The following EYA2 variants were observed in gnomAD, a reference collection of about 807,000 sequenced individuals.
EYA2 encodes EYA transcriptional coactivator and phosphatase 2, also known as protein phosphatase EYA2.
A neutral mutation model predicts 69.2 loss-of-function variants in EYA2; 31 were observed. The ratio of observed to expected loss-of-function variants is 0.45; its 90% CI spans 0.34 to 0.60. The LOEUF (loss-of-function observed/expected upper bound fraction) is 0.60. Among genes scored for constraint, EYA2 ranks in the 20% least tolerant of loss-of-function variants. The pLI is 0.02. For synonymous variants in EYA2, 257 were observed against 279.4 expected, an observed-to-expected ratio of 0.92 and a Z score of 0.80; for missense variants, 622 against 701.2, an observed-to-expected ratio of 0.89 and a Z score of 1.28.
At chr20:47,171,019 T>A (rs2034308971) in intron 11 of EYA2, among the ~76,000 whole-genome samples, 1 of 152,230 alleles carries the variant, frequency 6.6e-6, no homozygotes, top group African/African-American at 2.4e-5. Context: ...CCTTCTGCAA[T>A]CAGGACTGGC....
At position 47,100,238 on chromosome 20, in the gene EYA2, C is replaced by T. The variant is rs564854279; in HGVS notation, c.888+3070C>T. 1.1e-4 allele frequency among the ~76,000 whole-genome samples: 16 copies of T among 152,278 alleles called. No individual in the cohort carries two copies. In the East Asian group the frequency reaches 1.7e-3, roughly 17 times the overall value. ...AGTGTTTGAAAAAATGTGAATGTGT[C>T]GCCAACATTTAAAAATCAGGAGATT... is the stretch of plus-strand genomic sequence containing the variant. On this transcript the variant is annotated intron_variant, in intron 9 of 15. Transcript: ENST00000327619.
intron 10 of EYA2, among the ~76,000 whole-genome samples, chr20:47,162,953 A>G (rs1442682078): frequency 6.6e-6 from 1 of 151,928 alleles, no homozygotes; most frequent in African/African-American, 2.4e-5. Context: ...TTTTCCAGTT[A>G]TGTACAATAT....
intron 1 of EYA2, among the ~76,000 whole-genome samples, chr20:46,960,049 A>T (rs906574889): frequency 6.6e-6 from 1 of 152,252 alleles, no homozygotes; most frequent in Admixed American, 6.5e-5. Flanking sequence ...CACACTGGCC[A>T]GATTCAGGCT....
intron 5 of EYA2, among the ~76,000 whole-genome samples, chr20:47,049,486 C>G (rs1457172995): frequency 6.6e-6 from 1 of 152,104 alleles, no homozygotes. Flanking sequence ...GGGCTCTCCT[C>G]GTGATAATGA....
intron 7 of EYA2, 98 bp downstream of exon 7, chr20:47,074,433 A>AC: frequency 4.6e-6 from 6 of 1,300,508 alleles, no homozygotes; most frequent in Non-Finnish European, 6.4e-6. Context: ...CAAACAGGTT[A>AC]CCCAAGGGTC....
At chr20:47,083,596 C>T (rs934442649) in intron 7 of EYA2, among the ~76,000 whole-genome samples, 3 of 118,238 alleles carry the variant, frequency 2.5e-5, no homozygotes, top group East Asian at 2.5e-4. Context: ...AAAAAAAAAT[C>T]GTGGAACAAC....
intron 10 of EYA2, among the ~76,000 whole-genome samples, chr20:47,154,320 C>G (rs939509432): frequency 2.6e-5 from 4 of 152,030 alleles, no homozygotes; most frequent in African/African-American, 9.6e-5. Context: ...CTCACTTAAA[C>G]TTAATTACTT....
At chr20:46,973,169 A>G (rs1337729226) in intron 1 of EYA2, among the ~76,000 whole-genome samples, 1 of 152,174 alleles carries the variant, frequency 6.6e-6, no homozygotes, top group Non-Finnish European at 1.5e-5. Flanking sequence ...CCTCCCCCAA[A>G]TTACTCTGAA....
chr20:46,899,600 A>C (rs1027394905), intron 1 of EYA2, among the ~76,000 whole-genome samples: 42 of 152,176 alleles, frequency 2.8e-4, no homozygotes, highest in African/African-American at 1.0e-3. Flanking sequence ...CTGGATCGCT[A>C]TGGGTGGGTG....
At chr20:47,071,186 T>G (rs1312047208) in intron 5 of EYA2, among the ~76,000 whole-genome samples, 2 of 152,048 alleles carry the variant, frequency 1.3e-5, no homozygotes, top group Non-Finnish European at 2.9e-5. Flanking sequence ...ATTTTTGTAT[T>G]TTTAGTAGAG....
At chr20:47,140,337 G>C (rs372424965) in intron 9 of EYA2, among the ~76,000 whole-genome samples, 3 of 152,070 alleles carry the variant, frequency 2.0e-5, no homozygotes, top group Non-Finnish European at 4.4e-5. Flanking sequence ...TTTGGCTCTC[G>C]GGGCCTTGAT....
At chr20:47,152,288 C>T (rs1400129808) in intron 10 of EYA2, among the ~76,000 whole-genome samples, 2 of 151,976 alleles carry the variant, frequency 1.3e-5, no homozygotes, top group East Asian at 3.9e-4. Flanking sequence ...ATTATTCCTC[C>T]ACGCTGTACA....
intron 5 of EYA2, among the ~76,000 whole-genome samples, chr20:47,045,123 G>A (rs563028772): frequency 1.3e-5 from 2 of 152,166 alleles, no homozygotes; most frequent in Admixed American, 1.3e-4. Flanking sequence ...TAATGTCTTG[G>A]ATTGGCTGGG....
rs1981700067 is a variant in EYA2 at position 46,991,988 on chromosome 20, G to GAAAAA, written c.109+1869_109+1870insAAAAA. ...CGTCTCAAAAAAAAAAAAAAAAAAC[G>GAAAAA]CTGAAAGCTTTAGCAACCCTGGGCC... is the stretch of plus-strand genomic sequence containing the variant. On this transcript the variant is annotated intron_variant, in intron 2 of 15. Transcript: ENST00000327619. Among the ~76,000 whole-genome samples the GAAAAA allele has an allele frequency of 3.3e-5, 2 of 60,896 alleles. 1 individual carries two copies. The highest frequency in any genetic ancestry group is 8.0e-5 in the Non-Finnish European group (2 of 24,958). 40.0% of individuals were successfully genotyped at this position (60,896 alleles called of 152,430 possible).
chr20:47,002,723 C>T (rs1355346044), intron 3 of EYA2, among the ~76,000 whole-genome samples: 1 of 152,174 alleles, frequency 6.6e-6, no homozygotes, highest in East Asian at 1.9e-4. Context: ...TCCTCAGTAC[C>T]TAACCCCACA....
Position 47,113,408 on chromosome 20 carries a change from C to G in EYA2, c.888+16240C>G, listed in dbSNP as rs539896883. Among the ~76,000 whole-genome samples the G allele has an allele frequency of 2.6e-5, 4 of 152,268 alleles. No homozygotes were observed. The East Asian group carries it at 7.7e-4, about 29-fold the overall frequency. Reference sequence around the variant, plus strand: ...GATCGGCTGTGCCTGGGACCTGTGCCCACCTCTCAGCTAAGCAGGGTTAGA... The same window carrying G: ...GATCGGCTGTGCCTGGGACCTGTGCGCACCTCTCAGCTAAGCAGGGTTAGA... On this transcript the variant is annotated intron_variant, in intron 9 of 15. Transcript: ENST00000327619.
intron 5 of EYA2, among the ~76,000 whole-genome samples, chr20:47,034,073 A>T (rs767388773): frequency 6.6e-6 from 1 of 152,202 alleles, no homozygotes; most frequent in African/African-American, 2.4e-5. Context: ...TATATCTTCA[A>T]TGTGTCTCTA....
intron 1 of EYA2, among the ~76,000 whole-genome samples, chr20:46,943,705 C>T (rs1342287352): frequency 3.3e-5 from 5 of 152,184 alleles, no homozygotes; most frequent in Non-Finnish European, 7.3e-5. Flanking sequence ...GGCAGCAAAA[C>T]GTGCAGAAGG....
intron 5 of EYA2, among the ~76,000 whole-genome samples, chr20:47,049,599 C>G (rs1206370412): frequency 1.8e-5 from 1 of 55,588 alleles, no homozygotes; most frequent in African/African-American, 4.1e-5. Context: ...GTGACACCCC[C>G]TGCTCCATGT....
Sources: allele counts gnomAD v4.1 joint callset (sites outside exome capture counted in the v4.1 genomes callset), GRCh38; gene constraint gnomAD v4.1.1; transcripts MANE v1.5; gene names NCBI Gene and HGNC (gene_info 2026-07-23, HGNC 2026-07-21).